The following COL6A2 variants were observed in gnomAD, a reference collection of about 807,000 sequenced individuals.
COL6A2 encodes the protein collagen type VI alpha 2 chain.
A neutral mutation model predicts 124.9 loss-of-function variants in COL6A2; 90 were observed. That is an observed-to-expected ratio of 0.72 (90% CI 0.61 to 0.86). COL6A2 has a LOEUF of 0.86. Ranked by LOEUF, COL6A2 falls within the 40% of genes least tolerant of loss-of-function variation. The pLI, the probability that COL6A2 is intolerant of heterozygous loss-of-function variation, is 0.00. For missense variants in COL6A2, 1,607 were observed against 1,502.5 expected, an observed-to-expected ratio of 1.07 and a Z score of -1.15; for synonymous variants, 793 against 618.2, an observed-to-expected ratio of 1.28 and a Z score of -4.19.
intron 19 of COL6A2, 107 bp downstream of exon 19, chr21:46,122,265 GTGTGAGGTCCCTCC>G (rs2078578929): frequency 1.5e-6 from 2 of 1,359,158 alleles, no homozygotes; most frequent in African/African-American, 2.9e-5. Flanking sequence ...GCAGAAGAAA[GTGTGAGGTCCCTCC>G]TGCGGGACAG....
chr21:46,119,976 C>T, intron 15 of COL6A2, 126 bp downstream of exon 15: 1 of 860,608 alleles, frequency 1.2e-6, no homozygotes, highest in South Asian at 1.4e-5. Flanking sequence ...CCAGAGTTCA[C>T]TCTCTGCAGA....
chr21:46,116,707 C>G lies in COL6A2; in HGVS notation c.954+30C>G, dbSNP rs752267316. 6.2e-7 allele frequency: 1 copy of G among 1,613,034 alleles called. No individual in the cohort carries two copies. The highest frequency in any genetic ancestry group is 8.5e-7 in the Non-Finnish European group (1 of 1,180,006). ...GCTGGCTGGGTAGGCAGAGCCCCTC[C>G]TTCCTGCTGCTCAGGGCAGAAGGAC... is the stretch of plus-strand genomic sequence containing the variant. On this transcript the variant is annotated intron_variant, in intron 9 of 27. Coordinates refer to ENST00000300527, the MANE Select transcript of COL6A2 (RefSeq NM_001849.4). This position sits in a 1 kb window ranked among gnomAD's most constrained non-coding sequence, Gnocchi z 4.6.
At position 46,122,123 on chromosome 21, in the gene COL6A2, C is replaced by T. The variant is rs756315481; in HGVS notation, c.1537C>T (p.Pro513Ser). 1.2e-6 allele frequency: 2 copies of T among 1,612,734 alleles called. No individual in the cohort carries two copies. The highest frequency in any genetic ancestry group is 4.5e-5 in the East Asian group (2 of 44,878). The change falls in exon 19 of 28, where the codon CCT becomes TCT. Residue 513 changes from proline (P) to serine (S), a missense_variant. By Grantham distance (74) the Pro-to-Ser change is moderately conservative. Coordinates refer to ENST00000300527, the MANE Select transcript of COL6A2 (RefSeq NM_001849.4). Reference protein sequence around the residue: ...QPGPKGDPGRPGFSYPGPRGA... With the variant: ...QPGPKGDPGRSGFSYPGPRGA... ...CCTCCTCCAGGGAGACCCCGGCAGG[C>T]CTGGATTCAGCTACCCAGGACCCCG...
Position 46,132,141 on chromosome 21 carries a change from T to C in COL6A2, c.2649T>C (p.Gly883=), listed in dbSNP as rs2078768940. The change falls in exon 28 of 28, where the codon GGT becomes GGC. Residue 883 remains glycine, a synonymous_variant. Coordinates refer to ENST00000300527, the MANE Select transcript of COL6A2 (RefSeq NM_001849.4). ...CACGCGTGGCGCTGCTGCAGTTTGG[T>C]GGCCCCGGCGAGCAGCAGGTGGCCT... is the stretch of plus-strand genomic sequence containing the variant. ...LNARVALLQF[G]GPGEQQVAFP... 6.4e-7 allele frequency: 1 copy of C among 1,572,710 alleles called. No individual in the cohort carries two copies. Among genetic ancestry groups the C allele is most frequent in the Non-Finnish European group, 8.6e-7 (1 of 1,161,378 alleles).
In COL6A2 at chr21:46,116,502, G is replaced by T. The variant is rs561948190; in HGVS notation, c.927+99G>T. ...AGCCTGTCACTGCTCCTGGGGCACC[G>T]GCCTGGTCTTTTCTCAGTGGTGGCT... On this transcript the variant is annotated intron_variant, in intron 8 of 27. Coordinates refer to ENST00000300527, the MANE Select transcript of COL6A2 (RefSeq NM_001849.4). This position sits in a 1 kb window ranked among gnomAD's most constrained non-coding sequence, Gnocchi z 4.6. 3.2e-5 allele frequency: 50 copies of T among 1,582,182 alleles called. No homozygotes were observed. Among genetic ancestry groups the T allele is most frequent in the Non-Finnish European group, 4.2e-5 (49 of 1,155,992 alleles).
Position 46,116,939 on chromosome 21 carries a change from A to G in COL6A2, c.999+125A>G. 2.5e-6 allele frequency: 2 copies of G among 809,054 alleles called. No individual in the cohort carries two copies. Among genetic ancestry groups the G allele is most frequent in the South Asian group, 1.9e-5 (1 of 52,616 alleles). The allele number at this position is 809,054 out of a possible 1,614,324, so 50.1% of individuals were successfully genotyped here. A position where few individuals can be genotyped will look rare whatever the true frequency, so the allele number is the denominator to read the frequency against. ...TGTACACACGCATACACACACACAC[A>G]CACACACACACACACACGAACTTCA... is the stretch of plus-strand genomic sequence containing the variant. On this transcript the variant is annotated intron_variant, in intron 10 of 27. Transcript: ENST00000300527. This position sits in a 1 kb window ranked among gnomAD's most constrained non-coding sequence, Gnocchi z 4.6.
At chr21:46,114,442 AAAAG>A (rs775016899) in intron 5 of COL6A2, among the ~76,000 whole-genome samples, 4 of 151,090 alleles carry the variant, frequency 2.6e-5, no homozygotes, top group Admixed American at 6.6e-5. Flanking sequence ...AAAAAAAAAG[AAAAG>A]AAAGCCACAT....
intron 18 of COL6A2, 103 bp from the exon 19 acceptor site, chr21:46,122,005 A>AGC: frequency 8.0e-7 from 1 of 1,243,650 alleles, no homozygotes; most frequent in African/African-American, 1.5e-5. Context: ...CGGCACCCCT[A>AGC]GCCCACTTCC....
intron 1 of COL6A2, among the ~76,000 whole-genome samples, chr21:46,104,972 A>G (rs2078321805): frequency 6.6e-6 from 1 of 152,262 alleles, no homozygotes; most frequent in Non-Finnish European, 1.5e-5. Flanking sequence ...ACACATTCTT[A>G]GATCAACAAA....
At position 46,119,787 on chromosome 21, in the gene COL6A2, G is replaced by T; in HGVS notation, c.1270-1G>T. The T allele has an allele frequency of 6.4e-7, 1 of 1,559,890 alleles. No homozygotes were observed. Among genetic ancestry groups the T allele is most frequent in the East Asian group, 2.4e-5 (1 of 42,524 alleles). ...CTCACCCACACGCCTGTTCTCTGCA[G>T]GGGCGCAGGGGAGACCCCGGCACCA... On this transcript the variant is annotated splice_acceptor_variant, in intron 14 of 27. Transcript: ENST00000300527. LOFTEE classifies it high-confidence loss of function.
At chr21:46,117,146 A>G (rs1404772462) in intron 10 of COL6A2, among the ~76,000 whole-genome samples, 1 of 152,170 alleles carries the variant, frequency 6.6e-6, no homozygotes, top group African/African-American at 2.4e-5. Context: ...CCGTGGGAAC[A>G]TCCTCTGTGC....
At position 46,117,915 on chromosome 21, in the gene COL6A2, G is replaced by T. The variant is rs374673302; in HGVS notation, c.1095G>T (p.Glu365Asp). Residue 365 changes from glutamate (E) to aspartate (D), a missense_variant, in exon 12 of 28, where the codon GAG becomes GAT. Physicochemically the swap from Glu to Asp is conservative, Grantham distance 45. Around this residue, in one of 3 missense-constraint regions of COL6A2, gnomAD observed 1,223 missense variants for 1,052.2 expected, o/e 1.16. Coordinates refer to ENST00000300527, the MANE Select transcript of COL6A2 (RefSeq NM_001849.4). ...GYPGEAGSPG[E>D]RGDQGGKGDP... Reference sequence around the variant, plus strand: ...CGGGGGAAGCAGGGAGTCCAGGGGAGCGAGGAGACCAAGGCGGCAAGGTAA... The same window carrying T: ...CGGGGGAAGCAGGGAGTCCAGGGGATCGAGGAGACCAAGGCGGCAAGGTAA... 9 of 1,612,866 alleles carry T rather than the reference G, an allele frequency of 5.6e-6. No individual in the cohort carries two copies. Among genetic ancestry groups the T allele is most frequent in the African/African-American group, 4.0e-5 (3 of 74,916 alleles).
intron 1 of COL6A2, 173 bp from the exon 2 acceptor site, chr21:46,111,277 G>GC: frequency 1.8e-6 from 1 of 566,606 alleles, no homozygotes; most frequent in Non-Finnish European, 3.2e-6. Flanking sequence ...GAGGGCGCAA[G>GC]CCCCCCAGTC....
intron 12 of COL6A2, 51 bp from the exon 13 acceptor site, chr21:46,118,563 C>T (rs1426582939): frequency 1.3e-6 from 2 of 1,582,608 alleles, no homozygotes; most frequent in East Asian, 2.2e-5. Flanking sequence ...GCATCCTGCA[C>T]CCCCCTTCCC....
chr21:46,117,466 TG>T lies in COL6A2; in HGVS notation c.1053+14del. ...CCCTGGAAACCGGGTAAGGGCCGTTTGCACCCCTCCTTCAGCCTCGGCCCAG... is the reference window on the plus strand; with the variant it reads ...CCCTGGAAACCGGGTAAGGGCCGTTTCACCCCTCCTTCAGCCTCGGCCCAG... On this transcript the variant is annotated intron_variant, in intron 11 of 27. Transcript: ENST00000300527. 6.2e-7 allele frequency: 1 copy of T among 1,612,424 alleles called. No homozygotes were observed.
intron 1 of COL6A2, 52 bp from the exon 2 acceptor site, chr21:46,111,398 T>G: frequency 1.9e-6 from 2 of 1,038,762 alleles, no homozygotes; most frequent in East Asian, 2.5e-5. Flanking sequence ...TGGGGGAGGG[T>G]GCCAGGGGAG....
intron 1 of COL6A2, chr21:46,099,192 C>G (rs1434468797): frequency 6.5e-6 from 1 of 152,790 alleles, no homozygotes; most frequent in Non-Finnish European, 1.5e-5. Context: ...TGGCTCACGC[C>G]TGTAATCCCA....
At chr21:46,114,442 A>G (rs2123622081) in intron 5 of COL6A2, among the ~76,000 whole-genome samples, 1 of 151,090 alleles carries the variant, frequency 6.6e-6, no homozygotes, top group East Asian at 1.9e-4. Flanking sequence ...AAAAAAAAAG[A>G]AAAGAAAGCC....
intron 16 of COL6A2, 150 bp from the exon 17 acceptor site, chr21:46,120,911 G>A (rs188946527): frequency 1.9e-4 from 150 of 778,778 alleles, no homozygotes; most frequent in Middle Eastern, 1.3e-3. Flanking sequence ...TGAAGGTCAA[G>A]TGGAGCCACA....
Sources: allele counts gnomAD v4.1 joint callset (sites outside exome capture counted in the v4.1 genomes callset), GRCh38; gene constraint gnomAD v4.1.1; regional missense constraint gnomAD v4.1.1; non-coding constraint Gnocchi (gnomAD v3.1); transcripts MANE v1.5; gene names NCBI Gene and HGNC (gene_info 2026-07-23, HGNC 2026-07-21).